Variants in DPAGT1 observed in about 807,000 individuals in gnomAD.
DPAGT1 encodes the protein dolichyl-phosphate N-acetylglucosaminephosphotransferase 1.
Under a neutral mutation model 39.3 loss-of-function variants are expected in DPAGT1, and 25 were observed. The ratio of observed to expected loss-of-function variants is 0.64; its 90% CI spans 0.46 to 0.89. The LOEUF (loss-of-function observed/expected upper bound fraction) is 0.89. DPAGT1 is among the 40% of genes least tolerant of loss of function. DPAGT1 has a pLI of 0.00. For missense variants in DPAGT1, 381 were observed against 500.6 expected, an observed-to-expected ratio of 0.76 and a Z score of 2.28; for synonymous variants, 193 against 201.4, an observed-to-expected ratio of 0.96 and a Z score of 0.36.
chr11:119,100,812 A>T lies in DPAGT1; in HGVS notation c.314T>A (p.Ile105Asn), dbSNP rs1418910156. Reference sequence around the variant, plus strand: ...AAAGCCCAGGAAGATCATGCAGCAGATGGCAAGGAGGGCACCTATCAGGGC... The same window carrying T: ...AAAGCCCAGGAAGATCATGCAGCAGTTGGCAAGGAGGGCACCTATCAGGGC... Reference protein sequence around the residue: ...FVALIGALLAICCMIFLGFAD... With the variant: ...FVALIGALLANCCMIFLGFAD... The change falls in exon 3 of 9, where the codon ATC (isoleucine) becomes AAC (asparagine). Residue 105 changes from isoleucine to asparagine, a missense_variant. By Grantham distance (149) the Ile-to-Asn change is moderately radical (BLOSUM62 -3). Transcript: ENST00000354202. The T allele has an allele frequency of 1.2e-6, 2 of 1,614,080 alleles. No homozygotes were observed. The highest frequency in any genetic ancestry group is 1.1e-5 in the South Asian group (1 of 91,092).
chr11:119,095,469 G>C, downstream of DPAGT1: 1 of 1,428,410 alleles, frequency 7.0e-7, no homozygotes, highest in Non-Finnish European at 9.2e-7. Flanking sequence ...AACTGCTGTC[G>C]CGCGCGCGCC....
chr11:119,096,573 T>C lies in DPAGT1; in HGVS notation c.*425A>G, dbSNP rs1156558360. On this transcript the variant is annotated 3_prime_UTR_variant, in exon 9 of 9. Transcript: ENST00000354202. Reference sequence around the variant, plus strand: ...ATGTGGCCCCCTGCTTAGTTCTTACTAATCAGAACACTTAATTTACAATCA... The same window carrying C: ...ATGTGGCCCCCTGCTTAGTTCTTACCAATCAGAACACTTAATTTACAATCA... The C allele has an allele frequency of 6.8e-6, 2 of 292,016 alleles. No individual in the cohort carries two copies. The highest frequency in any genetic ancestry group is 4.4e-5 in the African/African-American group (2 of 45,888). The allele number at this position is 292,016 out of a possible 1,614,324, so 18.1% of individuals were successfully genotyped here.
rs149450515 is a variant in DPAGT1, at chr11:119,098,051, G to A, written c.729-8C>T. On this transcript the variant is annotated splice_region_variant and splice_polypyrimidine_tract_variant and intron_variant, in intron 5 of 8. Coordinates refer to ENST00000354202, the MANE Select transcript of DPAGT1 (RefSeq NM_001382.4). ...AACACCCGTGATGGGTACCTGTGTGGGGGAAGAGGATCCGAGCCAGTGGCA... is the reference window on the plus strand; with the variant it reads ...AACACCCGTGATGGGTACCTGTGTGAGGGAAGAGGATCCGAGCCAGTGGCA... 1 of 1,613,974 alleles carries A rather than the reference G, an allele frequency of 6.2e-7. No homozygotes were observed. Among genetic ancestry groups the A allele is most frequent in the Non-Finnish European group, 8.5e-7 (1 of 1,179,968 alleles).
chr11:119,099,670 C>A (rs1023598829), intron 4 of DPAGT1, among the ~76,000 whole-genome samples: 1 of 149,426 alleles, frequency 6.7e-6, no homozygotes, highest in African/African-American at 2.5e-5. Context: ...ATGCCTGTAG[C>A]CCCAGCTACT....
intron 5 of DPAGT1, 43 bp from the exon 6 acceptor site, chr11:119,098,086 A>G: frequency 6.2e-7 from 1 of 1,611,378 alleles, no homozygotes. Flanking sequence ...AAGAGGCATT[A>G]CCAATCCCTT....
At chr11:119,100,038 T>C (rs1413012133) in intron 4 of DPAGT1, among the ~76,000 whole-genome samples, 1 of 152,180 alleles carries the variant, frequency 6.6e-6, no homozygotes, top group African/African-American at 2.4e-5. Context: ...TGGGAGAAGA[T>C]CATGGCCTAG....
downstream of DPAGT1, chr11:119,094,684 C>G (rs1044552896): frequency 3.3e-6 from 1 of 304,174 alleles, no homozygotes; most frequent in Non-Finnish European, 6.0e-6. Context: ...AGCGCCCAAG[C>G]CGCATCCGGA....
intron 3 of DPAGT1, 99 bp from the exon 4 acceptor site, chr11:119,100,507 G>A: frequency 6.3e-7 from 1 of 1,598,534 alleles, no homozygotes; most frequent in Non-Finnish European, 8.6e-7. Flanking sequence ...AGGATGAAGG[G>A]CTACCAGAAA....
chr11:119,095,453 C>G, downstream of DPAGT1: 4 of 1,458,942 alleles, frequency 2.7e-6, no homozygotes, highest in Non-Finnish European at 3.6e-6. Flanking sequence ...ACGCCCGCCG[C>G]AGTGTAACTG....
chr11:119,094,972 C>T (rs562640219), downstream of DPAGT1: 3 of 1,611,316 alleles, frequency 1.9e-6, no homozygotes, highest in African/African-American at 4.0e-5. Flanking sequence ...CTTAGTACTC[C>T]TGGGAGGCCT....
downstream of DPAGT1, chr11:119,095,284 C>G: frequency 6.2e-7 from 1 of 1,612,754 alleles, no homozygotes; most frequent in Non-Finnish European, 8.5e-7. Flanking sequence ...CGTAGTGGCC[C>G]TTCCGCAGCA....
intron 4 of DPAGT1, 135 bp downstream of exon 4, chr11:119,100,127 G>C (rs1946471737): frequency 7.2e-7 from 1 of 1,386,312 alleles, no homozygotes; most frequent in African/African-American, 1.4e-5. Context: ...ATTGTTATTT[G>C]CAAAGTAAGT....
In DPAGT1 at chr11:119,100,807, A is replaced by C. The variant is rs1592229245; in HGVS notation, c.319T>G (p.Cys107Gly). The change falls in exon 3 of 9, where the codon TGC becomes GGC. Residue 107 changes from cysteine (C) to glycine (G), a missense_variant. Transcript: ENST00000354202. ...ALIGALLAICCMIFLGFADDV... is the reference protein window; with the variant it reads ...ALIGALLAICGMIFLGFADDV... ...TCCGCAAAGCCCAGGAAGATCATGC[A>C]GCAGATGGCAAGGAGGGCACCTATC... The C allele has an allele frequency of 1.9e-6, 3 of 1,614,246 alleles. No individual in the cohort carries two copies. In the Middle Eastern group the frequency reaches 4.9e-4, roughly 266 times the overall value.
chr11:119,098,950 A>T (rs929675919), intron 4 of DPAGT1, among the ~76,000 whole-genome samples: 2 of 152,252 alleles, frequency 1.3e-5, no homozygotes, highest in African/African-American at 4.8e-5. Context: ...TCTATAGTTC[A>T]AAGCTAGGTT....
Position 119,097,312 on chromosome 11 carries a change from G to A in DPAGT1, c.1006-15C>T, listed in dbSNP as rs758885855. On this transcript the variant is annotated splice_polypyrimidine_tract_variant and intron_variant, in intron 7 of 8. Transcript: ENST00000354202. The surrounding 1 kb of genome is among the most constrained non-coding windows in gnomAD (Gnocchi z 4.6). ...CTCTCTGCCACCTGGAGGGACCAGAGGTGAAGAGAACCTCAGCTAATACCT... is the reference window on the plus strand; with the variant it reads ...CTCTCTGCCACCTGGAGGGACCAGAAGTGAAGAGAACCTCAGCTAATACCT... The A allele has an allele frequency of 6.2e-7, 1 of 1,614,184 alleles. No homozygotes were observed. The highest frequency in any genetic ancestry group is 1.7e-5 in the Admixed American group (1 of 60,032).
Position 119,101,480 on chromosome 11 carries a change from T to G in DPAGT1, c.161+15A>C. 6.2e-7 allele frequency: 1 copy of G among 1,613,972 alleles called. No homozygotes were observed. ...AGCCCTTGCCCCCTGCCCGGACCCG[T>G]GTGCCGCTGCTCACATCTGCTGTCG... On this transcript the variant is annotated intron_variant, in intron 1 of 8. Transcript: ENST00000354202.
chr11:119,097,088 A>G lies in DPAGT1; in HGVS notation c.1162-25T>C. 2 of 1,614,264 alleles carry G rather than the reference A, an allele frequency of 1.2e-6. No individual in the cohort carries two copies. The highest frequency in any genetic ancestry group is 1.1e-5 in the South Asian group (1 of 91,092). ...TCTGCAAGGAGAAATGGACTGGAGTAAGAATCACGCAGAAAGGGAGACACG... is the reference window on the plus strand; with the variant it reads ...TCTGCAAGGAGAAATGGACTGGAGTGAGAATCACGCAGAAAGGGAGACACG... On this transcript the variant is annotated intron_variant, in intron 8 of 8. Transcript: ENST00000354202. This position sits in a 1 kb window ranked among gnomAD's most constrained non-coding sequence, Gnocchi z 4.6.
In DPAGT1 at chr11:119,100,321, G is replaced by C. The variant is rs863225088; in HGVS notation, c.584C>G (p.Ala195Gly). The C allele has an allele frequency of 6.2e-7, 1 of 1,614,106 alleles. No homozygotes were observed. The highest frequency in any genetic ancestry group is 8.5e-7 in the Non-Finnish European group (1 of 1,180,058). The part of the protein sequence containing the change: ...NILAGINGLE[A>G]GQSLVISASI... Reference sequence around the variant, plus strand: ...AGCAGAAATGACTAGTGACTGGCCAGCCTCTAGGCCGTTAATTCCTGCTAG... The same window carrying C: ...AGCAGAAATGACTAGTGACTGGCCACCCTCTAGGCCGTTAATTCCTGCTAG... The change falls in exon 4 of 9, where the codon GCT becomes GGT. Residue 195 changes from alanine (A) to glycine (G), a missense_variant. Transcript: ENST00000354202.
chr11:119,101,115 C>A lies in DPAGT1; in HGVS notation c.185G>T (p.Ser62Ile), dbSNP rs775527214. The change falls in exon 2 of 9, where the codon AGC (serine) becomes ATC (isoleucine). Residue 62 changes from serine (S) to isoleucine (I), a missense_variant. By Grantham distance (142) the Ser-to-Ile change is moderately radical. Coordinates refer to ENST00000354202, the MANE Select transcript of DPAGT1 (RefSeq NM_001382.4). Reference sequence around the variant, plus strand: ...GAGGATGATAAGGAAAACAGCACCGCTGATCACTCCCTGGGATTCTGGGCT... The same window carrying A: ...GAGGATGATAAGGAAAACAGCACCGATGATCACTCCCTGGGATTCTGGGCT... ...QQIPESQGVI[S>I]GAVFLIILFC... 2.5e-6 allele frequency: 4 copies of A among 1,614,142 alleles called. No homozygotes were observed. The highest frequency in any genetic ancestry group is 3.4e-6 in the Non-Finnish European group (4 of 1,180,038).
Sources: gnomAD v4.1 joint callset for allele counts (sites outside exome capture counted in the v4.1 genomes callset) on GRCh38, gnomAD v4.1.1 for gene constraint, Gnocchi (gnomAD v3.1) non-coding constraint, MANE v1.5 for transcripts, NCBI Gene and HGNC (gene_info 2026-07-23, HGNC 2026-07-21) for gene names.